ERC1: variants seen among roughly 807,000 people sequenced by gnomAD.
The protein encoded by ERC1 is ELKS/RAB6-interacting/CAST family member 1.
A neutral mutation model predicts 132.0 loss-of-function variants in ERC1; 56 were observed. That is an observed-to-expected ratio of 0.42 (90% CI 0.34 to 0.53). The LOEUF (loss-of-function observed/expected upper bound fraction) is 0.53, where lower values mean the gene tolerates loss of function less well. ERC1 is among the 20% of genes least tolerant of loss of function. The pLI is 0.03. For missense variants in ERC1, 1,202 were observed against 1,349.9 expected, an observed-to-expected ratio of 0.89 and a Z score of 1.72; for synonymous variants, 478 against 476.1, an observed-to-expected ratio of 1.00 and a Z score of -0.05.
intron 2 of ERC1, among the ~76,000 whole-genome samples, chr12:1,034,386 G>A (rs1490825114): frequency 6.6e-6 from 1 of 151,578 alleles, no homozygotes; most frequent in African/African-American, 2.4e-5. Context: ...GTCCAGCCTG[G>A]GCAACATAGT....
At chr12:1,438,616 T>G (rs189929102) in intron 17 of ERC1, among the ~76,000 whole-genome samples, 33 of 152,190 alleles carry the variant, frequency 2.2e-4, no homozygotes, top group Admixed American at 1.0e-3. Context: ...AGGAAGACAA[T>G]AAGTCATCAA....
chr12:1,356,211 AAAGTGTG>A (rs1372607852), intron 15 of ERC1, among the ~76,000 whole-genome samples: 2 of 105,914 alleles, frequency 1.9e-5, no homozygotes, highest in African/African-American at 1.1e-4. Context: ...AAAAAAAAAA[AAAGTGTG>A]TGTGTGTGTG....
chr12:1,069,613 A>C (rs1327714294), intron 2 of ERC1, among the ~76,000 whole-genome samples: 1 of 152,228 alleles, frequency 6.6e-6, no homozygotes, highest in Admixed American at 6.5e-5. Flanking sequence ...CCTTATCTCC[A>C]GAATACTTAG....
chr12:1,102,177 C>G (rs189052716), intron 3 of ERC1, among the ~76,000 whole-genome samples: 1 of 151,552 alleles, frequency 6.6e-6, no homozygotes, highest in African/African-American at 2.4e-5. Context: ...AGGAGGTGAA[C>G]TGACAATAAC....
intron 1 of ERC1, among the ~76,000 whole-genome samples, chr12:1,004,190 G>T (rs1446723097): frequency 6.6e-6 from 1 of 152,062 alleles, no homozygotes; most frequent in Non-Finnish European, 1.5e-5. Context: ...ACAGATGTTT[G>T]TTATAGTTGC....
intron 17 of ERC1, among the ~76,000 whole-genome samples, chr12:1,442,903 CTTTTTTATTT>C (rs1565449884): frequency 2.6e-5 from 4 of 152,090 alleles, no homozygotes; most frequent in East Asian, 1.9e-4. Flanking sequence ...ATGATTACTT[CTTTTTTATTT>C]TTTTTTATTT....
rs145354152 is a variant in ERC1, at chr12:997,712, C to T, written c.-157+6390C>T. On this transcript the variant is annotated intron_variant, in intron 1 of 18. Coordinates refer to ENST00000360905, the MANE Select transcript of ERC1 (RefSeq NM_178040.4). ...GCATGAGAATTAGACTAAGATTTTACGTAAGGGTTTGGGAATAGTGGTCTG... is the reference window on the plus strand; with the variant it reads ...GCATGAGAATTAGACTAAGATTTTATGTAAGGGTTTGGGAATAGTGGTCTG... Among the ~76,000 whole-genome samples, 221 of 152,130 alleles carry T rather than the reference C, an allele frequency of 1.5e-3. 1 individual carries two copies. The highest frequency in any genetic ancestry group is 2.1e-3 in the Non-Finnish European group (141 of 67,980).
At chr12:1,265,399 G>T (rs547906503) in intron 14 of ERC1, among the ~76,000 whole-genome samples, 116 of 152,132 alleles carry the variant, frequency 7.6e-4, no homozygotes, top group African/African-American at 2.7e-3. Context: ...ATGCTTTAGG[G>T]GTATGTTTTA....
Position 1,386,259 on chromosome 12 carries a change from G to A in ERC1, c.2925+14282G>A, listed in dbSNP as rs894036289. Among the ~76,000 whole-genome samples, 6 of 150,292 alleles carry A rather than the reference G, an allele frequency of 4.0e-5. No individual in the cohort carries two copies. The South Asian group carries it at 8.4e-4, about 21-fold the overall frequency. ...TCACCATATTGGCCAGGCTGGTCTC[G>A]AACTCCTGACATTGTGATCTGCCCA... On this transcript the variant is annotated intron_variant, in intron 16 of 18. Transcript: ENST00000360905.
intron 13 of ERC1, among the ~76,000 whole-genome samples, chr12:1,247,938 G>C (rs1032054552): frequency 3.9e-5 from 6 of 152,308 alleles, no homozygotes; most frequent in Admixed American, 3.9e-4. Context: ...GGAGGTTGCG[G>C]TGAGCCGAGA....
chr12:1,304,813 G>A (rs1487229414), intron 15 of ERC1, among the ~76,000 whole-genome samples: 1 of 84,464 alleles, frequency 1.2e-5, no homozygotes, highest in African/African-American at 4.4e-5. Flanking sequence ...TTTTTGAGAC[G>A]GAGTCTCGCT....
chr12:1,332,568 G>C (rs1280424855), intron 15 of ERC1, among the ~76,000 whole-genome samples: 5 of 152,218 alleles, frequency 3.3e-5, no homozygotes, highest in Non-Finnish European at 7.3e-5. Context: ...GGGTGATACA[G>C]CTGACTAGCA....
At chr12:1,192,360 G>GTTA (rs1407360510) in intron 12 of ERC1, among the ~76,000 whole-genome samples, 2 of 152,184 alleles carry the variant, frequency 1.3e-5, no homozygotes, top group Non-Finnish European at 2.9e-5. Flanking sequence ...TTGGGATTAT[G>GTTA]TTATACCTCT....
At chr12:1,265,395 T>C (rs1285014712) in intron 14 of ERC1, among the ~76,000 whole-genome samples, 2 of 152,206 alleles carry the variant, frequency 1.3e-5, no homozygotes, top group African/African-American at 4.8e-5. Flanking sequence ...TAATATGCTT[T>C]AGGGGTATGT....
chr12:1,482,214 G>A (rs73601947), intron 18 of ERC1, among the ~76,000 whole-genome samples: 1 of 152,084 alleles, frequency 6.6e-6, no homozygotes, highest in African/African-American at 2.4e-5. Context: ...GAATTGCAGT[G>A]AGCAGCCCAG....
chr12:1,282,963 C>T (rs1019476572), intron 14 of ERC1, among the ~76,000 whole-genome samples: 13 of 152,106 alleles, frequency 8.5e-5, no homozygotes, highest in African/African-American at 1.7e-4. Flanking sequence ...ATTTTCCATA[C>T]GCATCTTGGA....
At chr12:1,401,227 C>T (rs1274067488) in intron 16 of ERC1, among the ~76,000 whole-genome samples, 2 of 152,000 alleles carry the variant, frequency 1.3e-5, no homozygotes, top group Non-Finnish European at 1.5e-5. Context: ...AGCCACCGCG[C>T]CCAGCCCTAT....
intron 17 of ERC1, among the ~76,000 whole-genome samples, chr12:1,435,327 G>A (rs796329425): frequency 1.1e-4 from 16 of 152,248 alleles, no homozygotes; most frequent in African/African-American, 3.6e-4. Context: ...AGGAGAGAGG[G>A]GAGTTAGGAG....
Position 1,203,885 on chromosome 12 carries a change from C to G in ERC1, c.2351+13833C>G, listed in dbSNP as rs192880933. The G allele has an allele frequency of 3.4e-4, 52 of 152,456 alleles. 1 individual carries two copies. The highest frequency in any genetic ancestry group is 1.2e-3 in the African/African-American group (49 of 41,578). 9.4% of individuals were successfully genotyped at this position (152,456 alleles called of 1,614,324 possible). On this transcript the variant is annotated intron_variant, in intron 12 of 18. Coordinates refer to ENST00000360905, the MANE Select transcript of ERC1 (RefSeq NM_178040.4). ...GCCTGTGTATTCTTGTTCATTATTGCTTTTAGATTGCACCATTTGAGGATT... is the reference window on the plus strand; with the variant it reads ...GCCTGTGTATTCTTGTTCATTATTGGTTTTAGATTGCACCATTTGAGGATT...
Sources: gnomAD v4.1 joint callset for allele counts (sites outside exome capture counted in the v4.1 genomes callset) on GRCh38, gnomAD v4.1.1 for gene constraint, MANE v1.5 for transcripts, NCBI Gene and HGNC (gene_info 2026-07-23, HGNC 2026-07-21) for gene names.